Variants in DDC observed in about 807,000 individuals in gnomAD.
DDC encodes the protein aromatic-L-amino-acid decarboxylase.
DDC carries 43 observed loss-of-function variants against 60.0 expected under a neutral mutation model. The observed-to-expected ratio is 0.72, with a 90% CI of 0.56 to 0.92. The LOEUF (loss-of-function observed/expected upper bound fraction) is 0.92. Ranked by LOEUF, DDC falls within the 40% of genes least tolerant of loss-of-function variation. DDC has a pLI of 0.00. For synonymous variants in DDC, 232 were observed against 234.6 expected, an observed-to-expected ratio of 0.99 and a Z score of 0.10; for missense variants, 573 against 620.2, an observed-to-expected ratio of 0.92 and a Z score of 0.81.
intron 9 of DDC, among the ~76,000 whole-genome samples, chr7:50,488,577 T>A (rs2042933945): frequency 6.6e-6 from 1 of 152,104 alleles, no homozygotes; most frequent in African/African-American, 2.4e-5. Context: ...AAGTATTCAG[T>A]AAATGGTTTG....
chr7:50,518,050 A>C (rs1431912774), intron 6 of DDC, among the ~76,000 whole-genome samples: 1 of 151,882 alleles, frequency 6.6e-6, no homozygotes, highest in Non-Finnish European at 1.5e-5. Context: ...TCTACTAAAA[A>C]ATACAAAAAA....
At chr7:50,560,048 C>T (rs1360105774) in intron 1 of DDC, among the ~76,000 whole-genome samples, 1 of 152,160 alleles carries the variant, frequency 6.6e-6, no homozygotes, top group Non-Finnish European at 1.5e-5. Flanking sequence ...CATCCAGACA[C>T]CCCTTAACTT....
In DDC at chr7:50,544,029, G is replaced by T. The variant is rs1305470980; in HGVS notation, c.57C>A (p.Asn19Lys). ...GGCGTCCCTCAATGCCTTCCATGTA[G>T]TTGGCCATGTAATCCACCATCTCCT... ...RGKEMVDYMA[N>K]YMEGIEGRQV... Residue 19 changes from asparagine (N) to lysine (K), a missense_variant, in exon 2 of 15, where the codon AAC becomes AAA. Coordinates refer to ENST00000444124, the MANE Select transcript of DDC (RefSeq NM_001082971.2). The T allele has an allele frequency of 6.2e-7, 1 of 1,614,092 alleles. No homozygotes were observed. The highest frequency in any genetic ancestry group is 8.5e-7 in the Non-Finnish European group (1 of 1,180,026).
In DDC at chr7:50,501,837, G is replaced by A. The variant is rs148878953; in HGVS notation, c.781+2156C>T. ...GCCTGTAATTCCATCACACTGGGAG[G>A]CTGAGGCGGGCATATCATCTGAGGT... On this transcript the variant is annotated intron_variant, in intron 7 of 14. Transcript: ENST00000444124. Among the ~76,000 whole-genome samples, 479 of 152,288 alleles carry A rather than the reference G, an allele frequency of 3.1e-3. 3 individuals carry two copies. The highest frequency in any genetic ancestry group is 0.01 in the African/African-American group (425 of 41,554).
intron 9 of DDC, chr7:50,493,076 A>G: frequency 7.7e-7 from 1 of 1,306,696 alleles, no homozygotes; most frequent in Non-Finnish European, 1.1e-6. Flanking sequence ...AAGATTAGGG[A>G]CCCAAAATAT....
At chr7:50,478,172 C>G (rs1466090531) in intron 10 of DDC, among the ~76,000 whole-genome samples, 1 of 151,696 alleles carries the variant, frequency 6.6e-6, no homozygotes, top group African/African-American at 2.4e-5. Flanking sequence ...AAGGTTGCAC[C>G]ACTGCATTCC....
chr7:50,549,926 T>C (rs2044932461), intron 1 of DDC, among the ~76,000 whole-genome samples: 1 of 152,246 alleles, frequency 6.6e-6, no homozygotes, highest in Non-Finnish European at 1.5e-5. Flanking sequence ...AGATAGAGTC[T>C]ATTCTTGTTG....
chr7:50,514,702 C>T (rs1191511955), intron 6 of DDC, among the ~76,000 whole-genome samples: 1 of 151,582 alleles, frequency 6.6e-6, no homozygotes, highest in East Asian at 1.9e-4. Context: ...AAAGTCTCAG[C>T]AATAGAATTG....
chr7:50,548,068 GT>G, intron 1 of DDC, among the ~76,000 whole-genome samples: 1 of 152,288 alleles, frequency 6.6e-6, no homozygotes, highest in East Asian at 1.9e-4. Context: ...TATTGTAATT[GT>G]TTTGGGACAG....
At chr7:50,525,621 A>G (rs1213070241) in intron 6 of DDC, among the ~76,000 whole-genome samples, 2 of 152,028 alleles carry the variant, frequency 1.3e-5, no homozygotes, top group Non-Finnish European at 2.9e-5. Context: ...AAAATTAGCC[A>G]GGCGTGGTGG....
intron 6 of DDC, among the ~76,000 whole-genome samples, chr7:50,522,645 A>G (rs1387994751): frequency 1.3e-5 from 2 of 152,262 alleles, no homozygotes; most frequent in Non-Finnish European, 2.9e-5. Flanking sequence ...AAAGCAATTC[A>G]ATGGAGGAAG....
At chr7:50,472,785 C>G (rs920385745) in intron 11 of DDC, among the ~76,000 whole-genome samples, 1 of 152,180 alleles carries the variant, frequency 6.6e-6, no homozygotes, top group Non-Finnish European at 1.5e-5. Flanking sequence ...AACACTCTGT[C>G]CTCGTGCCCT....
chr7:50,537,800 G>A, intron 4 of DDC, 60 bp downstream of exon 4: 2 of 1,609,604 alleles, frequency 1.2e-6, no homozygotes, highest in South Asian at 1.1e-5. Context: ...CCCACCTGCG[G>A]CTACAGTCCT....
chr7:50,541,752 A>T (rs1237700909), intron 2 of DDC, among the ~76,000 whole-genome samples: 1 of 152,228 alleles, frequency 6.6e-6, no homozygotes, highest in Non-Finnish European at 1.5e-5. Context: ...CCAAGCTAAG[A>T]TATCTGTAAG....
chr7:50,517,751 C>T (rs1456129687), intron 6 of DDC, among the ~76,000 whole-genome samples: 1 of 147,492 alleles, frequency 6.8e-6, no homozygotes, highest in African/African-American at 2.5e-5. Flanking sequence ...GATTAATGTA[C>T]ACAAGTCAGT....
At chr7:50,461,402 C>G (rs575655098) in intron 14 of DDC, among the ~76,000 whole-genome samples, 3,234 of 152,282 alleles carry the variant, frequency 0.021, 122 homozygotes, top group African/African-American at 0.072. Flanking sequence ...CTGTCCAAAA[C>G]AACATACATG....
At chr7:50,550,734 T>G (rs1239176048) in intron 1 of DDC, among the ~76,000 whole-genome samples, 1 of 152,128 alleles carries the variant, frequency 6.6e-6, no homozygotes, top group African/African-American at 2.4e-5. Context: ...TTCTTTTGAG[T>G]TTCTGATAAG....
intron 7 of DDC, among the ~76,000 whole-genome samples, chr7:50,502,879 T>C (rs766636370): frequency 5.3e-5 from 8 of 152,212 alleles, no homozygotes; most frequent in Non-Finnish European, 8.8e-5. Flanking sequence ...ACAGACAGCA[T>C]AAATGAAGCT....
chr7:50,501,196 T>A (rs2043246311), intron 7 of DDC, among the ~76,000 whole-genome samples: 2 of 152,202 alleles, frequency 1.3e-5, no homozygotes, highest in Admixed American at 6.5e-5. Context: ...TCCCAGGAAC[T>A]TGCGGCAGGC....
Sources: gnomAD v4.1 joint callset for allele counts (sites outside exome capture counted in the v4.1 genomes callset) on GRCh38, gnomAD v4.1.1 for gene constraint, MANE v1.5 for transcripts, NCBI Gene and HGNC (gene_info 2026-07-23, HGNC 2026-07-21) for gene names.